The following OGT variants were observed in gnomAD, a reference collection of about 807,000 sequenced individuals.
OGT encodes the protein O-linked N-acetylglucosamine (GlcNAc) transferase.
Under a neutral mutation model 75.8 loss-of-function variants are expected in OGT, and 3 were observed. The ratio of observed to expected loss-of-function variants is 0.04; its 90% CI spans 0.02 to 0.10. OGT has a LOEUF of 0.10. Ranked by LOEUF, OGT falls within the 10% of genes least tolerant of loss-of-function variation. OGT has a pLI of 1.00. For synonymous variants in OGT, 257 were observed against 289.7 expected (o/e 0.89, Z 1.15); for missense variants, 260 against 824.4 (o/e 0.32, Z 8.38).
intron 11 of OGT, 22 bp downstream of exon 11, chrX:71,557,318 A>T (rs372045614): frequency 3.7e-4 from 413 of 1,130,497 alleles, no homozygotes; most frequent in Non-Finnish European, 4.8e-4. Flanking sequence ...CAGGCCAGTA[A>T]TTGGCTCTCA....
At chrX:71,558,340 A>T (rs903732928) in intron 12 of OGT, among the ~76,000 whole-genome samples, 10 of 109,426 alleles carry the variant, frequency 9.1e-5, no homozygotes, top group South Asian at 3.9e-4. Context: ...CAAAGGTTGG[A>T]TAATAGATTG....
rs770630335 is a variant in OGT at position 71,562,948 on chromosome X, C to G, written c.2079C>G (p.Ser693=). The G allele has an allele frequency of 8.3e-7, 1 of 1,207,938 alleles. No homozygotes were observed. The highest frequency in any genetic ancestry group is 1.1e-6 in the Non-Finnish European group (1 of 894,066). ...CAGCTGAAGTTGCTGAGCAGTATTC[C>G]GAGAAATTGGCTTATATGCCCCACA... The part of the protein sequence containing the change: ...TSPAEVAEQY[S]EKLAYMPHTF... Residue 693 remains serine (S), a synonymous_variant, in exon 16 of 22, where the codon TCC becomes TCG. Transcript: ENST00000373719.
chrX:71,552,972 C>A (rs1487515528), intron 5 of OGT, among the ~76,000 whole-genome samples: 1 of 111,964 alleles, frequency 8.9e-6, no homozygotes, highest in East Asian at 2.8e-4. Flanking sequence ...TATGTTTAAA[C>A]ATTTCTATTA....
At chrX:71,560,173 G>A (rs970615179) in intron 14 of OGT, among the ~76,000 whole-genome samples, 1 of 107,800 alleles carries the variant, frequency 9.3e-6, no homozygotes. Context: ...CCGCTACTTG[G>A]GAGGCTGAGG....
chrX:71,546,935 G>A (rs947547569), intron 4 of OGT: 2 of 752,940 alleles, frequency 2.7e-6, no homozygotes, highest in African/African-American at 2.3e-5. Context: ...AACATACCTC[G>A]AGTCCAACTA....
At position 71,557,315 on chromosome X, in the gene OGT, G is replaced by A. The variant is rs916794721; in HGVS notation, c.1422+19G>A. On this transcript the variant is annotated intron_variant, in intron 11 of 21. Coordinates refer to ENST00000373719, the MANE Select transcript of OGT (RefSeq NM_181672.3). Reference sequence around the variant, plus strand: ...CCTGCAGGTAAAGAATAACAGGCCAGTAATTGGCTCTCAGTGTTGTAATAG... The same window carrying A: ...CCTGCAGGTAAAGAATAACAGGCCAATAATTGGCTCTCAGTGTTGTAATAG... 2 of 1,137,910 alleles carry A rather than the reference G, an allele frequency of 1.8e-6. No homozygotes were observed. Among genetic ancestry groups the A allele is most frequent in the Non-Finnish European group, 1.2e-6 (1 of 834,452 alleles). 93.8% of individuals were successfully genotyped at this position (1,137,910 alleles called of 1,213,427 possible).
chrX:71,550,850 A>G (rs2040298653), intron 5 of OGT, among the ~76,000 whole-genome samples: 2 of 110,578 alleles, frequency 1.8e-5, no homozygotes, highest in African/African-American at 3.3e-5. Flanking sequence ...GAATCTAAAA[A>G]AGTTGATTTC....
At position 71,574,465 on chromosome X, in the gene OGT, C is replaced by T. The variant is rs1342213624; in HGVS notation, c.*671C>T. ...TTTCCCATTTCCTTTTCTTCCCTGA[C>T]CCCCATACCCTCACCCTTAAAATTC... On this transcript the variant is annotated 3_prime_UTR_variant, in exon 22 of 22. Transcript: ENST00000373719. The T allele has an allele frequency of 9.1e-6, 1 of 110,481 alleles. No homozygotes were observed. Among genetic ancestry groups the T allele is most frequent in the Non-Finnish European group, 1.9e-5 (1 of 52,811 alleles). The allele number at this position is 110,481 out of a possible 1,213,427, so 9.1% of individuals were successfully genotyped here.
At chrX:71,557,759 C>A in intron 12 of OGT, 87 bp downstream of exon 12, 1 of 867,789 alleles carries the variant, frequency 1.2e-6, no homozygotes, top group Non-Finnish European at 1.6e-6. Context: ...GCTTAATGAA[C>A]GATTATAAAG....
chrX:71,563,402 A>C lies in OGT; in HGVS notation c.2339A>C (p.Asn780Thr). 8.3e-7 allele frequency: 1 copy of C among 1,202,308 alleles called. No homozygotes were observed. The highest frequency in any genetic ancestry group is 1.7e-5 in the African/African-American group (1 of 57,692). The change falls in exon 18 of 22, where the codon AAT (asparagine) becomes ACT (threonine). Residue 780 changes from asparagine to threonine, a missense_variant. Around this residue, in one of 6 missense-constraint regions of OGT, gnomAD observed 79 missense variants for 141.0 expected, o/e 0.56. Coordinates refer to ENST00000373719, the MANE Select transcript of OGT (RefSeq NM_181672.3). ...CTTAATATGCCTGTTATTCCTATGA[A>C]TACTATTGCAGAAGCAGTTATTGAA... is the stretch of plus-strand genomic sequence containing the variant. ...TALNMPVIPMNTIAEAVIEMI... is the reference protein window; with the variant it reads ...TALNMPVIPMTTIAEAVIEMI...
At chrX:71,553,400 G>A (rs1008784655) in intron 5 of OGT, among the ~76,000 whole-genome samples, 1 of 111,863 alleles carries the variant, frequency 8.9e-6, no homozygotes, top group Admixed American at 9.5e-5. Context: ...AGCAGATGAA[G>A]TGTTCTTTAT....
chrX:71,546,659 A>T (rs1379335978), intron 4 of OGT: 18 of 715,243 alleles, frequency 2.5e-5, no homozygotes, highest in Non-Finnish European at 3.0e-5. Context: ...GTTAATTGAT[A>T]TTAAAAATTA....
rs1161608862 is a variant in OGT at position 71,537,922 on chromosome X, G to A, written c.312G>A (p.Gln104=). 1.7e-6 allele frequency: 2 copies of A among 1,211,927 alleles called. No homozygotes were observed. Among genetic ancestry groups the A allele is most frequent in the Non-Finnish European group, 1.1e-6 (1 of 895,459 alleles). ...GGAATGTGTACAAGGAAAGAGGGCA[G>A]TTGCAGGAGGCAATTGAGCATTATC... ...NLGNVYKERG[Q]LQEAIEHYRH... The change falls in exon 3 of 22, where the codon CAG becomes CAA. Residue 104 remains glutamine (Q), a synonymous_variant. Transcript: ENST00000373719.
intron 1 of OGT, among the ~76,000 whole-genome samples, chrX:71,535,760 T>C (rs1456089308): frequency 3.6e-5 from 4 of 112,049 alleles, no homozygotes; most frequent in South Asian, 3.7e-4. Context: ...TTTCCCAATA[T>C]GTTATTCTGA....
At chrX:71,563,788 C>T (rs1458775924) in intron 18 of OGT, among the ~76,000 whole-genome samples, 1 of 111,899 alleles carries the variant, frequency 8.9e-6, no homozygotes, top group Non-Finnish European at 1.9e-5. Flanking sequence ...CATACAGTTT[C>T]TTGCTTCTGT....
At chrX:71,550,102 C>G (rs1049602125) in intron 5 of OGT, among the ~76,000 whole-genome samples, 1 of 111,987 alleles carries the variant, frequency 8.9e-6, no homozygotes, top group East Asian at 2.8e-4. Context: ...TTACAAGGAA[C>G]AATTAATTTG....
chrX:71,548,836 T>G (rs2040280514), intron 5 of OGT, among the ~76,000 whole-genome samples: 1 of 110,796 alleles, frequency 9.0e-6, no homozygotes, highest in African/African-American at 3.3e-5. Flanking sequence ...ACAAAATCAT[T>G]TGTATACCAA....
intron 19 of OGT, among the ~76,000 whole-genome samples, chrX:71,566,720 C>G (rs2040418879): frequency 1.8e-5 from 2 of 112,328 alleles, no homozygotes; most frequent in African/African-American, 3.2e-5. Flanking sequence ...TTTAGTATGA[C>G]TGTTCCTGCA....
chrX:71,567,970 AGTT>A lies in OGT; in HGVS notation c.2843-19_2843-17del. 2 of 1,199,118 alleles carry A rather than the reference AGTT, an allele frequency of 1.7e-6. No individual in the cohort carries two copies. The highest frequency in any genetic ancestry group is 1.1e-6 in the Non-Finnish European group (1 of 890,456). On this transcript the variant is annotated intron_variant, in intron 20 of 21. Coordinates refer to ENST00000373719, the MANE Select transcript of OGT (RefSeq NM_181672.3). ...TGCTGTTTTACGTTCTCAGATGTGC[AGTT>A]GTTATCTTTTGTATTACAGGAGAGA...
Sources: gnomAD v4.1 joint callset for allele counts (sites outside exome capture counted in the v4.1 genomes callset) on GRCh38, gnomAD v4.1.1 for gene constraint, gnomAD v4.1.1 regional missense constraint, MANE v1.5 for transcripts, NCBI Gene and HGNC (gene_info 2026-07-23, HGNC 2026-07-21) for gene names.